Variants in MAPKAP1 observed in about 807,000 individuals in gnomAD.
MAPKAP1 encodes the protein target of rapamycin complex 2 subunit MAPKAP1.
MAPKAP1 carries 20 observed loss-of-function variants against 65.7 expected under a neutral mutation model. The observed-to-expected ratio is 0.30, with a 90% confidence interval of 0.21 to 0.44. The LOEUF is 0.44. Ranked by LOEUF, MAPKAP1 falls within the 20% of genes least tolerant of loss-of-function variation. The pLI is 1.00. For synonymous variants in MAPKAP1, 222 were observed against 244.3 expected (o/e 0.91, Z 0.85); for missense variants, 423 against 648.0 (o/e 0.65, Z 3.77).
intron 1 of MAPKAP1, among the ~76,000 whole-genome samples, chr9:125,701,455 C>T (rs1456697264): frequency 2.6e-5 from 4 of 152,192 alleles, no homozygotes; most frequent in African/African-American, 9.6e-5. Context: ...TTAGCGGTAT[C>T]CGCATATTCA....
intron 4 of MAPKAP1, among the ~76,000 whole-genome samples, chr9:125,602,902 CCTT>C (rs562642462): frequency 2.0e-4 from 30 of 152,148 alleles, no homozygotes; most frequent in African/African-American, 6.7e-4. Flanking sequence ...CGTTTTCTCT[CCTT>C]CTTTTAAAAG....
intron 3 of MAPKAP1, among the ~76,000 whole-genome samples, chr9:125,664,536 C>T (rs542323050): frequency 2.7e-5 from 4 of 150,708 alleles, no homozygotes; most frequent in Non-Finnish European, 5.9e-5. Flanking sequence ...ACCAGCCTGG[C>T]CAACATGGTG....
chr9:125,676,036 C>A (rs1047693513), intron 1 of MAPKAP1, among the ~76,000 whole-genome samples: 3 of 152,108 alleles, frequency 2.0e-5, no homozygotes, highest in African/African-American at 7.2e-5. Context: ...AAGACAAGGA[C>A]ATACATATCA....
At chr9:125,443,276 G>A (rs1852561806) in intron 11 of MAPKAP1, among the ~76,000 whole-genome samples, 1 of 152,140 alleles carries the variant, frequency 6.6e-6, no homozygotes, top group South Asian at 2.1e-4. Context: ...CCCTGGTGGG[G>A]TGGGGTAGCA....
chr9:125,470,750 C>T (rs1194165493), intron 9 of MAPKAP1, among the ~76,000 whole-genome samples: 2 of 152,122 alleles, frequency 1.3e-5, no homozygotes, highest in East Asian at 3.9e-4. Context: ...GAGATGAATG[C>T]AATAGGCTCA....
chr9:125,552,897 A>T (rs570476109), intron 6 of MAPKAP1, among the ~76,000 whole-genome samples: 1 of 152,138 alleles, frequency 6.6e-6, no homozygotes, highest in East Asian at 1.9e-4. Context: ...GTCTCTAAAA[A>T]TTTTTTTAAA....
At position 125,437,407 on chromosome 9, in the gene MAPKAP1, G is replaced by A. The variant is rs1438223685; in HGVS notation, c.*1480C>T. 3 of 152,348 alleles carry A rather than the reference G, an allele frequency of 2.0e-5. No homozygotes were observed. Among genetic ancestry groups the A allele is most frequent in the Non-Finnish European group, 4.4e-5 (3 of 68,038 alleles). The allele number at this position is 152,348 out of a possible 1,614,324, so 9.4% of individuals were successfully genotyped here. ...AATATGCAAAAGTGTGTATTTATAT[G>A]ACTTTTATTTTAATATCATTTTAAT... On this transcript the variant is annotated 3_prime_UTR_variant, in exon 12 of 12. Coordinates refer to ENST00000265960, the MANE Select transcript of MAPKAP1 (RefSeq NM_001006617.3).
intron 4 of MAPKAP1, among the ~76,000 whole-genome samples, chr9:125,600,217 GAA>G (rs58655238): frequency 3.9e-5 from 4 of 103,454 alleles, no homozygotes; most frequent in Admixed American, 1.0e-4. Context: ...AAGTATGAAG[GAA>G]AAAAAAAAAA....
intron 8 of MAPKAP1, among the ~76,000 whole-genome samples, chr9:125,490,853 C>A (rs1028121416): frequency 2.0e-5 from 3 of 152,062 alleles, no homozygotes; most frequent in Non-Finnish European, 4.4e-5. Flanking sequence ...AAATTTTAGG[C>A]CTGGCTAGGT....
chr9:125,467,127 T>A (rs1853709041), intron 10 of MAPKAP1, among the ~76,000 whole-genome samples: 1 of 152,228 alleles, frequency 6.6e-6, no homozygotes, highest in African/African-American at 2.4e-5. Context: ...GGTAACTGCA[T>A]TTAACAGGCT....
chr9:125,468,334 G>T (rs554326326), intron 9 of MAPKAP1, among the ~76,000 whole-genome samples: 31 of 151,838 alleles, frequency 2.0e-4, no homozygotes, highest in Non-Finnish European at 4.0e-4. Context: ...AGTTGAGGGT[G>T]GGGGAACCCC....
At chr9:125,495,192 G>GT (rs1381261090) in intron 8 of MAPKAP1, among the ~76,000 whole-genome samples, 12 of 152,178 alleles carry the variant, frequency 7.9e-5, no homozygotes, top group African/African-American at 2.9e-4. Flanking sequence ...TCTAAGAACT[G>GT]TAACATCTGA....
At chr9:125,530,173 T>TA (rs1829894206) in intron 7 of MAPKAP1, among the ~76,000 whole-genome samples, 3 of 152,200 alleles carry the variant, frequency 2.0e-5, no homozygotes, top group Non-Finnish European at 4.4e-5. Context: ...AGAAAGTAGC[T>TA]AAAATCAGTC....
At chr9:125,629,054 A>AACACACACACACACACACACACAC (rs71374284) in intron 4 of MAPKAP1, among the ~76,000 whole-genome samples, 1 of 147,374 alleles carries the variant, frequency 6.8e-6, no homozygotes, top group African/African-American at 2.5e-5. Context: ...TCACTGTCAA[A>AACACACACACACACACACACACAC]ACACACACAC....
At chr9:125,482,777 G>A (rs1854365308) in intron 9 of MAPKAP1, among the ~76,000 whole-genome samples, 2 of 152,104 alleles carry the variant, frequency 1.3e-5, no homozygotes, top group African/African-American at 2.4e-5. Flanking sequence ...ACTTAATGCA[G>A]AGGGGAAAAA....
intron 1 of MAPKAP1, among the ~76,000 whole-genome samples, chr9:125,690,201 C>T (rs1835125091): frequency 6.6e-6 from 1 of 152,152 alleles, no homozygotes; most frequent in Non-Finnish European, 1.5e-5. Context: ...AAGTCATTTC[C>T]AACTTAGCCA....
chr9:125,671,748 T>C (rs945681503), intron 2 of MAPKAP1, among the ~76,000 whole-genome samples: 4 of 152,124 alleles, frequency 2.6e-5, no homozygotes, highest in African/African-American at 9.7e-5. Context: ...AGGTGATCAA[T>C]TTAAGAAAAT....
Position 125,657,252 on chromosome 9 carries a change from T to C in MAPKAP1, c.498+399A>G, listed in dbSNP as rs571206401. 7.2e-5 allele frequency among the ~76,000 whole-genome samples: 11 copies of C among 152,190 alleles called. No homozygotes were observed. In the South Asian group the frequency reaches 2.3e-3, roughly 32 times the overall value. On this transcript the variant is annotated intron_variant, in intron 4 of 11. Transcript: ENST00000265960. ...CTTAGGAGATAAAACGGATTAAAAA[T>C]ATACACATATATATTTCTCTCTCCC...
At chr9:125,503,130 T>C (rs1829034116) in intron 8 of MAPKAP1, among the ~76,000 whole-genome samples, 1 of 152,252 alleles carries the variant, frequency 6.6e-6, no homozygotes, top group South Asian at 2.1e-4. Context: ...TCAGTACCCT[T>C]GTTTTAGGTA....
Sources: allele counts gnomAD v4.1 joint callset (sites outside exome capture counted in the v4.1 genomes callset), GRCh38; gene constraint gnomAD v4.1.1; transcripts MANE v1.5; gene names NCBI Gene and HGNC (gene_info 2026-07-23, HGNC 2026-07-21).